IRAG1: variants seen among roughly 807,000 people sequenced by gnomAD.
IRAG1 encodes the protein IP3R-associated cGMP kinase substrate.
A neutral mutation model predicts 106.2 loss-of-function variants in IRAG1; 62 were observed. The observed-to-expected ratio is 0.58, with a 90% confidence interval of 0.48 to 0.72. The LOEUF is 0.72. Ranked by LOEUF, IRAG1 falls within the 30% of genes least tolerant of loss-of-function variation. The pLI is 0.00. For synonymous variants in IRAG1, 462 were observed against 443.9 expected, an observed-to-expected ratio of 1.04 and a Z score of -0.51; for missense variants, 1,064 against 1,140.7, an observed-to-expected ratio of 0.93 and a Z score of 0.97.
intron 9 of IRAG1, 92 bp from the exon 10 acceptor site, chr11:10,623,948 CT>C: frequency 8.1e-7 from 1 of 1,231,880 alleles, no homozygotes; most frequent in Non-Finnish European, 1.2e-6. Context: ...CGACCACTAT[CT>C]TAGGTGGGAA....
rs1315091351 is a variant in IRAG1 at position 10,574,285 on chromosome 11, A to T, written c.*2047T>A. On this transcript the variant is annotated 3_prime_UTR_variant, in exon 21 of 21. Transcript: ENST00000423302. ...ATGGTGCTGGTACTGAGAAGCATGC[A>T]GCATGTCAGCTGTCCCCAGGCTGCT... 6.6e-6 allele frequency: 1 copy of T among 152,204 alleles called. No homozygotes were observed. Among genetic ancestry groups the T allele is most frequent in the Admixed American group, 6.5e-5 (1 of 15,276 alleles). 9.4% of individuals were successfully genotyped at this position (152,204 alleles called of 1,614,324 possible). A position where few individuals can be genotyped will look rare whatever the true frequency, so the allele number is the denominator to read the frequency against.
intron 11 of IRAG1, among the ~76,000 whole-genome samples, chr11:10,608,275 C>T (rs950518144): frequency 3.3e-5 from 5 of 152,052 alleles, no homozygotes; most frequent in African/African-American, 1.2e-4. Flanking sequence ...TGGGTGCATG[C>T]CACTATACCT....
intron 1 of IRAG1, among the ~76,000 whole-genome samples, chr11:10,664,288 C>T (rs911002008): frequency 2.0e-5 from 3 of 152,154 alleles, no homozygotes; most frequent in African/African-American, 7.2e-5. Context: ...CAGCTCAGGT[C>T]CCCGCCTCCT....
At chr11:10,636,044 A>G (rs546204248) in intron 2 of IRAG1, among the ~76,000 whole-genome samples, 2 of 152,340 alleles carry the variant, frequency 1.3e-5, no homozygotes, top group East Asian at 3.9e-4. Flanking sequence ...TGGAAGGGTC[A>G]GACAAACCTG....
chr11:10,631,937 C>T (rs907121741), intron 4 of IRAG1, 54 bp downstream of exon 4: 90 of 1,509,780 alleles, frequency 6.0e-5, no homozygotes, highest in Admixed American at 1.5e-4. Context: ...AGCCCAGCCA[C>T]GCTGCCAGAC....
intron 10 of IRAG1, among the ~76,000 whole-genome samples, chr11:10,619,380 C>G (rs1855667398): frequency 6.6e-6 from 1 of 152,130 alleles, no homozygotes; most frequent in Non-Finnish European, 1.5e-5. Context: ...AGTTCATATG[C>G]AGGGCTGTAT....
At chr11:10,671,736 AAC>A (rs1408941720) in intron 1 of IRAG1, among the ~76,000 whole-genome samples, 1 of 151,852 alleles carries the variant, frequency 6.6e-6, no homozygotes, top group Non-Finnish European at 1.5e-5. Context: ...CAAACACAAC[AAC>A]AACAACAACA....
chr11:10,633,920 G>T, intron 3 of IRAG1, 48 bp downstream of exon 3: 1 of 1,155,670 alleles, frequency 8.7e-7, no homozygotes, highest in Non-Finnish European at 1.2e-6. Flanking sequence ...TGATCCTCAT[G>T]TTCTAGGAAA....
At chr11:10,595,578 C>T (rs1308714005) in intron 15 of IRAG1, 1 of 152,054 alleles carries the variant, frequency 6.6e-6, no homozygotes, top group East Asian at 1.9e-4. Flanking sequence ...TGTTTGTATT[C>T]TTAAATTATT....
chr11:10,639,700 C>G (rs1331114390), intron 2 of IRAG1, among the ~76,000 whole-genome samples: 1 of 152,114 alleles, frequency 6.6e-6, no homozygotes, highest in African/African-American at 2.4e-5. Context: ...CTCTTTTTCT[C>G]CTGCTCCAGC....
intron 2 of IRAG1, among the ~76,000 whole-genome samples, chr11:10,649,263 A>C (rs1268599944): frequency 6.6e-6 from 1 of 152,170 alleles, no homozygotes; most frequent in Non-Finnish European, 1.5e-5. Flanking sequence ...AAAGCTTTGA[A>C]ATGTCCAGGG....
intron 11 of IRAG1, among the ~76,000 whole-genome samples, chr11:10,608,575 C>T (rs186709555): frequency 5.9e-5 from 9 of 152,148 alleles, no homozygotes; most frequent in Non-Finnish European, 1.2e-4. Context: ...CATAGGTACC[C>T]GGGGGCAGAG....
intron 1 of IRAG1, 163 bp downstream of exon 1, chr11:10,693,373 C>T (rs1458732791): frequency 7.5e-7 from 1 of 1,324,868 alleles, no homozygotes; most frequent in Non-Finnish European, 1.0e-6. Flanking sequence ...AAGACAGCAA[C>T]AATAAAGATA....
At chr11:10,686,807 A>G (rs1861690926) in intron 1 of IRAG1, among the ~76,000 whole-genome samples, 2 of 152,224 alleles carry the variant, frequency 1.3e-5, no homozygotes, top group South Asian at 4.1e-4. Flanking sequence ...TTGCATGGCT[A>G]AAGTACAGAT....
intron 9 of IRAG1, among the ~76,000 whole-genome samples, chr11:10,624,759 G>A (rs1159427739): frequency 6.6e-6 from 1 of 152,208 alleles, no homozygotes; most frequent in Non-Finnish European, 1.5e-5. Flanking sequence ...TAGGGGCTGG[G>A]CACTCAGGTG....
At chr11:10,580,644 T>C in intron 19 of IRAG1, 55 bp from the exon 20 acceptor site, 1 of 1,587,896 alleles carries the variant, frequency 6.3e-7, no homozygotes, top group Non-Finnish European at 8.6e-7. Flanking sequence ...AGTGCATCCT[T>C]TCCTGAGTTC....
At chr11:10,685,772 A>G (rs1243813652) in intron 1 of IRAG1, among the ~76,000 whole-genome samples, 1 of 151,560 alleles carries the variant, frequency 6.6e-6, no homozygotes, top group African/African-American at 2.4e-5. Context: ...TGTGAGTTTG[A>G]TTATTGTGAG....
intron 10 of IRAG1, among the ~76,000 whole-genome samples, chr11:10,621,759 T>A (rs1020404216): frequency 1.3e-5 from 2 of 152,196 alleles, no homozygotes; most frequent in African/African-American, 4.8e-5. Context: ...TGGAAAATGC[T>A]ATGGGAAGTT....
At chr11:10,590,475 G>A (rs908875500) in intron 18 of IRAG1, among the ~76,000 whole-genome samples, 3 of 152,122 alleles carry the variant, frequency 2.0e-5, no homozygotes, top group Middle Eastern at 3.2e-3. Context: ...TACTGAAAAG[G>A]GTCCCAACAT....
Sources: gnomAD v4.1 joint callset for allele counts (sites outside exome capture counted in the v4.1 genomes callset) on GRCh38, gnomAD v4.1.1 for gene constraint, MANE v1.5 for transcripts, NCBI Gene and HGNC (gene_info 2026-07-23, HGNC 2026-07-21) for gene names.